MS4A6E: variants seen among roughly 807,000 people sequenced by gnomAD.
MS4A6E encodes the protein membrane spanning 4-domains A6E, also known as membrane-spanning 4-domains subfamily A member 6E.
MS4A6E carries 8 observed loss-of-function variants against 13.2 expected under a neutral mutation model. The ratio of observed to expected loss-of-function variants is 0.60; its 90% confidence interval spans 0.35 to 1.09. The LOEUF (loss-of-function observed/expected upper bound fraction) is 1.09, where lower values mean the gene tolerates loss of function less well. MS4A6E is among the 50% of genes least tolerant of loss of function. The probability of loss-of-function intolerance (pLI) is 0.02; values close to 1 mark genes in which losing one functional copy is unlikely to be tolerated. For missense variants in MS4A6E, 177 were observed against 171.1 expected (o/e 1.03, Z -0.19); for synonymous variants, 72 against 67.6 (o/e 1.06, Z -0.32).
downstream of MS4A6E, among the ~76,000 whole-genome samples, chr11:60,346,254 C>T (rs1351571473): frequency 2.0e-5 from 3 of 152,204 alleles, no homozygotes; most frequent in Non-Finnish European, 2.9e-5. Context: ...TAGCATCTAG[C>T]GGATGCACCT....
chr11:60,339,892 T>C lies in MS4A6E; in HGVS notation c.381T>C (p.Ser127=), dbSNP rs1349192569. ...GAACTCTGTCTCTGATGCTGGTTTC[T>C]ACTGTGTTGGAGTTCTGCCTAGCTG... The part of the protein sequence containing the change: ...LAGTLSLMLV[S]TVLEFCLAVL... Residue 127 remains serine, a synonymous_variant, in exon 4 of 5, where the codon TCT becomes TCC. Transcript: ENST00000684409. The C allele has an allele frequency of 3.7e-6, 6 of 1,613,768 alleles. No individual in the cohort carries two copies. The highest frequency in any genetic ancestry group is 5.1e-6 in the Non-Finnish European group (6 of 1,179,810).
chr11:60,334,851 T>C, intron 1 of MS4A6E, 31 bp from the exon 2 acceptor site: 1 of 1,608,888 alleles, frequency 6.2e-7, no homozygotes, highest in Non-Finnish European at 8.5e-7. Context: ...CTCTGTACTT[T>C]TAAGAGCTAA....
downstream of MS4A6E, among the ~76,000 whole-genome samples, chr11:60,342,994 T>C (rs2085237433): frequency 1.3e-5 from 2 of 152,180 alleles, no homozygotes; most frequent in East Asian, 1.9e-4. Flanking sequence ...ACAGTGACTC[T>C]TTCTGACTAC....
At chr11:60,330,585 C>T (rs1455162551) in intron 1 of MS4A6E, among the ~76,000 whole-genome samples, 1 of 151,862 alleles carries the variant, frequency 6.6e-6, no homozygotes, top group Non-Finnish European at 1.5e-5. Flanking sequence ...GTGATCCGCC[C>T]ACCTCGGCCT....
At chr11:60,331,223 C>T (rs2085153924) in intron 1 of MS4A6E, among the ~76,000 whole-genome samples, 1 of 145,110 alleles carries the variant, frequency 6.9e-6, no homozygotes, top group Admixed American at 7.1e-5. Flanking sequence ...ACAATTATTA[C>T]ATCCCAAAAT....
At chr11:60,328,078 T>A (rs1005417164) in intron 1 of MS4A6E, among the ~76,000 whole-genome samples, 1 of 147,988 alleles carries the variant, frequency 6.8e-6, no homozygotes, top group Non-Finnish European at 1.5e-5. Context: ...ATCCTTGTTA[T>A]CAAGTGGCAA....
At chr11:60,339,224 C>T (rs2085208334) in intron 3 of MS4A6E, among the ~76,000 whole-genome samples, 1 of 152,146 alleles carries the variant, frequency 6.6e-6, no homozygotes, top group Admixed American at 6.5e-5. Context: ...TGGTGATTAG[C>T]AACAGTTTAC....
chr11:60,348,224 G>A (rs1485402372), intron 4 of MS4A6E, among the ~76,000 whole-genome samples: 4 of 152,104 alleles, frequency 2.6e-5, no homozygotes, highest in African/African-American at 7.2e-5. Context: ...GTGGAGGGGC[G>A]CACAAAGGGA....
chr11:60,329,824 C>CTTTT (rs35452287), intron 1 of MS4A6E, among the ~76,000 whole-genome samples: 1 of 135,154 alleles, frequency 7.4e-6, no homozygotes. Flanking sequence ...CCTTCACCCA[C>CTTTT]TTTTTTTTTT....
In MS4A6E at chr11:60,337,447, G is replaced by A. The variant is rs372522437; in HGVS notation, c.148-294G>A. On this transcript the variant is annotated intron_variant, in intron 2 of 4. Coordinates refer to ENST00000684409, the MANE Select transcript of MS4A6E (RefSeq NM_139249.4). ...CACAGTAATTTTCCAGGCAAGCCTC[G>A]TGGGCCCTGCTATCTGTCCCAGGGA... Among the ~76,000 whole-genome samples the A allele has an allele frequency of 1.1e-4, 16 of 152,176 alleles. No individual in the cohort carries two copies. In the East Asian group the frequency reaches 1.9e-3, roughly 18 times the overall value.
rs2085220995 is a variant in MS4A6E at position 60,340,914 on chromosome 11, T to C, written c.*148T>C. 1 of 153,538 alleles carries C rather than the reference T, an allele frequency of 6.5e-6. No individual in the cohort carries two copies. The highest frequency in any genetic ancestry group is 1.9e-4 in the East Asian group (1 of 5,256). The allele number at this position is 153,538 out of a possible 1,614,324, so 9.5% of individuals were successfully genotyped here. On this transcript the variant is annotated 3_prime_UTR_variant, in exon 5 of 5. Transcript: ENST00000684409. ...ACCTAACCATTATAAAAAAGCAAAC[T>C]TGAGTTTCCTAAATGTAAGCATTTA...
At chr11:60,334,813 T>TA (rs2085177749) in intron 1 of MS4A6E, 69 bp from the exon 2 acceptor site, 6 of 1,538,798 alleles carry the variant, frequency 3.9e-6, no homozygotes, top group Non-Finnish European at 4.4e-6. Flanking sequence ...GAAACTGACT[T>TA]ACCAGTTTTG....
intron 4 of MS4A6E, among the ~76,000 whole-genome samples, chr11:60,348,829 C>T (rs2085267023): frequency 6.6e-6 from 1 of 152,160 alleles, no homozygotes; most frequent in African/African-American, 2.4e-5. Context: ...AGGTGGTTTG[C>T]CCTAAAGGCA....
chr11:60,343,926 C>G (rs1291368277), downstream of MS4A6E, among the ~76,000 whole-genome samples: 1 of 151,906 alleles, frequency 6.6e-6, no homozygotes, highest in Admixed American at 6.6e-5. Context: ...AGTGTAGGGC[C>G]CTTCCCAGCT....
intron 4 of MS4A6E, among the ~76,000 whole-genome samples, chr11:60,346,955 T>C (rs1470946393): frequency 1.3e-5 from 2 of 152,188 alleles, no homozygotes; most frequent in African/African-American, 4.8e-5. Context: ...TCTATATACC[T>C]ATTGGGGTCA....
chr11:60,342,344 C>G (rs1434096865), downstream of MS4A6E, among the ~76,000 whole-genome samples: 1 of 152,076 alleles, frequency 6.6e-6, no homozygotes, highest in Non-Finnish European at 1.5e-5. Flanking sequence ...ATCAGAGGTT[C>G]ATTGTCTCAT....
At chr11:60,339,115 C>G (rs191646810) in intron 3 of MS4A6E, among the ~76,000 whole-genome samples, 8 of 152,280 alleles carry the variant, frequency 5.3e-5, no homozygotes, top group African/African-American at 1.7e-4. Context: ...AACAAAAGTT[C>G]ATGTGATCAA....
chr11:60,338,571 CTG>C (rs1328881459), intron 3 of MS4A6E: 2 of 152,144 alleles, frequency 1.3e-5, no homozygotes, highest in African/African-American at 4.8e-5. Context: ...GAGAGTGTAA[CTG>C]AGAATTATCG....
intron 1 of MS4A6E, among the ~76,000 whole-genome samples, chr11:60,331,730 C>T (rs111367669): frequency 5.1e-4 from 78 of 152,178 alleles, no homozygotes; most frequent in African/African-American, 1.6e-3. Flanking sequence ...TATGTCTTCC[C>T]GAAATTCATA....
Sources: allele counts gnomAD v4.1 joint callset (sites outside exome capture counted in the v4.1 genomes callset), GRCh38; gene constraint gnomAD v4.1.1; transcripts MANE v1.5; gene names NCBI Gene and HGNC (gene_info 2026-07-23, HGNC 2026-07-21).